Variants in MOSPD2 observed in about 807,000 individuals in gnomAD.
MOSPD2 encodes motile sperm domain-containing protein 2.
A neutral mutation model predicts 41.7 loss-of-function variants in MOSPD2; 5 were observed. The observed-to-expected ratio is 0.12, with a 90% CI of 0.06 to 0.25. MOSPD2 has a LOEUF of 0.25. Ranked by LOEUF, MOSPD2 falls within the 10% of genes least tolerant of loss-of-function variation. MOSPD2 has a pLI of 1.00. For synonymous variants in MOSPD2, 115 were observed against 126.9 expected, an observed-to-expected ratio of 0.91 and a Z score of 0.63; for missense variants, 282 against 375.2, an observed-to-expected ratio of 0.75 and a Z score of 2.05.
Position 14,919,737 on chromosome X carries a change from G to A in MOSPD2, c.1485G>A (p.Gln495=). ...EDQVQRCIWF[Q]QLLLSLTMLL... The stretch of plus-strand genomic sequence containing the variant: ...AAGTTCAGCGTTGTATCTGGTTCCA[G>A]CAGCTGCTGCTTTCCTTAACAATGC... The change falls in exon 15 of 15, where the codon CAG becomes CAA. Residue 495 remains glutamine, a synonymous_variant. Transcript: ENST00000380492. 1.7e-6 allele frequency: 2 copies of A among 1,210,713 alleles called. No individual in the cohort carries two copies. Among genetic ancestry groups the A allele is most frequent in the Non-Finnish European group, 2.2e-6 (2 of 894,767 alleles).
At position 14,912,374 on chromosome X, in the gene MOSPD2, G is replaced by T; in HGVS notation, c.992+13G>T. On this transcript the variant is annotated intron_variant, in intron 10 of 14. Transcript: ENST00000380492. The stretch of plus-strand genomic sequence containing the variant: ...TACTACACATCAGGTAATCGTCAAA[G>T]ATTTTATTAGCTATAATTTTATAAC... 2.0e-6 allele frequency: 2 copies of T among 1,001,058 alleles called. No individual in the cohort carries two copies. Among genetic ancestry groups the T allele is most frequent in the Non-Finnish European group, 2.7e-6 (2 of 745,870 alleles). 82.5% of individuals were successfully genotyped at this position (1,001,058 alleles called of 1,213,427 possible).
rs952390672 is a variant in MOSPD2, at chrX:14,900,773, T to C, written c.538+138T>C. Reference sequence around the variant, plus strand: ...TGATGAAGAATTTTAAATGTGTTCATAGACATTATTGTAACACATACAGAG... The same window carrying C: ...TGATGAAGAATTTTAAATGTGTTCACAGACATTATTGTAACACATACAGAG... On this transcript the variant is annotated intron_variant, in intron 6 of 14. Transcript: ENST00000380492. The C allele has an allele frequency of 1.5e-5, 5 of 335,540 alleles. No individual in the cohort carries two copies. In the Admixed American group the frequency reaches 2.4e-4, roughly 16 times the overall value. 27.7% of individuals were successfully genotyped at this position (335,540 alleles called of 1,213,427 possible).
At chrX:14,900,459 C>A in intron 5 of MOSPD2, 116 bp from the exon 6 acceptor site, 1 of 329,946 alleles carries the variant, frequency 3.0e-6, no homozygotes, top group Non-Finnish European at 5.4e-6. Flanking sequence ...TATGAGCTTA[C>A]TTTTTAAAGA....
chrX:14,913,644 T>G (rs1312116368), intron 10 of MOSPD2, among the ~76,000 whole-genome samples: 1 of 112,235 alleles, frequency 8.9e-6, no homozygotes, highest in African/African-American at 3.2e-5. Flanking sequence ...AAACATGTGT[T>G]AGTTAGATTA....
Position 14,911,293 on chromosome X carries a change from G to C in MOSPD2, c.759G>C (p.Leu253=). Residue 253 remains leucine (L), a synonymous_variant, in exon 9 of 15, where the codon CTG becomes CTC. Transcript: ENST00000380492. ...TAGATGATGACTTCCAGACCCCACT[G>C]TGTGAGAATGGGCCTATTACCAGTG... is the stretch of plus-strand genomic sequence containing the variant. ...PLVDDDFQTP[L]CENGPITSED... The C allele has an allele frequency of 8.3e-7, 1 of 1,204,619 alleles. No individual in the cohort carries two copies. The highest frequency in any genetic ancestry group is 1.1e-6 in the Non-Finnish European group (1 of 890,141).
At chrX:14,917,967 G>A (rs1219621487) in intron 13 of MOSPD2, among the ~76,000 whole-genome samples, 1 of 112,126 alleles carries the variant, frequency 8.9e-6, no homozygotes, top group East Asian at 2.8e-4. Flanking sequence ...GCCTTAGTCC[G>A]GAGGAGGGAG....
At chrX:14,914,098 G>A (rs1256434815) in intron 10 of MOSPD2, among the ~76,000 whole-genome samples, 1 of 111,833 alleles carries the variant, frequency 8.9e-6, no homozygotes, top group Admixed American at 9.6e-5. Flanking sequence ...TTCTGTTGGT[G>A]TATAGAAATA....
At chrX:14,902,227 C>T (rs2092574455) in intron 6 of MOSPD2, among the ~76,000 whole-genome samples, 1 of 111,252 alleles carries the variant, frequency 9.0e-6, no homozygotes, top group Non-Finnish European at 1.9e-5. Context: ...AATGCAACAA[C>T]TCTAAGAGGT....
intron 2 of MOSPD2, chrX:14,885,207 A>G (rs968550570): frequency 8.9e-6 from 1 of 111,852 alleles, no homozygotes; most frequent in East Asian, 2.8e-4. Flanking sequence ...ACCACATACT[A>G]AGTCATAAAG....
Position 14,881,087 on chromosome X carries a change from T to G in MOSPD2, c.79+7329T>G, listed in dbSNP as rs559431452. On this transcript the variant is annotated intron_variant, in intron 2 of 14. Coordinates refer to ENST00000380492, the MANE Select transcript of MOSPD2 (RefSeq NM_152581.4). Reference sequence around the variant, plus strand: ...GTTTGTTTATCTACCATATATTTACTACTATTTTGATTTACCCTTTCTTCC... The same window carrying G: ...GTTTGTTTATCTACCATATATTTACGACTATTTTGATTTACCCTTTCTTCC... Among the ~76,000 whole-genome samples the G allele has an allele frequency of 6.3e-4, 70 of 111,745 alleles. 1 individual carries two copies. In the South Asian group the frequency reaches 0.025, roughly 39 times the overall value.
intron 2 of MOSPD2, chrX:14,874,243 G>C (rs970979888): frequency 8.1e-6 from 1 of 123,193 alleles, no homozygotes; most frequent in African/African-American, 3.2e-5. Context: ...GCCCTCCAAT[G>C]CTGGAACAAG....
At chrX:14,896,235 A>T (rs1303468688) in intron 4 of MOSPD2, among the ~76,000 whole-genome samples, 1 of 110,360 alleles carries the variant, frequency 9.1e-6, no homozygotes, top group Non-Finnish European at 1.9e-5. Flanking sequence ...GGCCACATGC[A>T]CATACCTAGC....
intron 9 of MOSPD2, among the ~76,000 whole-genome samples, chrX:14,911,804 T>A (rs1262784145): frequency 8.9e-6 from 1 of 111,850 alleles, no homozygotes; most frequent in African/African-American, 3.3e-5. Context: ...GGAAGATCGC[T>A]TGAGCCCAGG....
At chrX:14,891,196 T>A (rs2092552956) in intron 2 of MOSPD2, among the ~76,000 whole-genome samples, 1 of 112,276 alleles carries the variant, frequency 8.9e-6, no homozygotes, top group Non-Finnish European at 1.9e-5. Context: ...ACCTAATACT[T>A]CTGGACTCAG....
chrX:14,873,612 G>C (rs899956072), intron 1 of MOSPD2, 75 bp downstream of exon 1: 2 of 1,203,879 alleles, frequency 1.7e-6, no homozygotes, highest in Non-Finnish European at 2.3e-6. Context: ...CCGAGCGCCC[G>C]TGTGCAGGTG....
At chrX:14,888,009 G>C (rs2092545111) in intron 2 of MOSPD2, among the ~76,000 whole-genome samples, 3 of 110,608 alleles carry the variant, frequency 2.7e-5, no homozygotes, top group Admixed American at 1.9e-4. Context: ...TGAACCATAG[G>C]GTGCTGATAG....
chrX:14,881,596 T>C (rs994664021), intron 2 of MOSPD2, among the ~76,000 whole-genome samples: 2 of 112,045 alleles, frequency 1.8e-5, no homozygotes, highest in Non-Finnish European at 3.8e-5. Context: ...TAGGCTAGCA[T>C]GTGGCAGGTG....
chrX:14,919,914 T>A lies in MOSPD2; in HGVS notation c.*105T>A. 9.0e-7 allele frequency: 1 copy of A among 1,107,106 alleles called. No homozygotes were observed. Among genetic ancestry groups the A allele is most frequent in the Non-Finnish European group, 1.2e-6 (1 of 848,055 alleles). 91.2% of individuals were successfully genotyped at this position (1,107,106 alleles called of 1,213,427 possible). The stretch of plus-strand genomic sequence containing the variant: ...ACTAAAAACATTGCACATCTGTGCT[T>A]CCTAAAAGGAAATATGCAGCACGTG... On this transcript the variant is annotated 3_prime_UTR_variant, in exon 15 of 15. Coordinates refer to ENST00000380492, the MANE Select transcript of MOSPD2 (RefSeq NM_152581.4).
At chrX:14,876,299 G>C in intron 2 of MOSPD2, among the ~76,000 whole-genome samples, 1 of 111,831 alleles carries the variant, frequency 8.9e-6, no homozygotes. Context: ...CCTTTCTATT[G>C]TCATTAACAA....
Sources: gnomAD v4.1 joint callset for allele counts (sites outside exome capture counted in the v4.1 genomes callset) on GRCh38, gnomAD v4.1.1 for gene constraint, MANE v1.5 for transcripts, NCBI Gene and HGNC (gene_info 2026-07-23, HGNC 2026-07-21) for gene names.